AGAP1: variants seen among roughly 807,000 people sequenced by gnomAD.
AGAP1 encodes the protein arf-GAP with GTPase, ANK repeat and PH domain-containing protein 1.
In AGAP1, 29 loss-of-function variants were observed where a neutral mutation model predicts 105.3. That is an observed-to-expected ratio of 0.28 (90% CI 0.21 to 0.38). The LOEUF (loss-of-function observed/expected upper bound fraction) is 0.38. Ranked by LOEUF, AGAP1 falls within the 10% of genes least tolerant of loss-of-function variation. AGAP1 has a pLI of 1.00. For synonymous variants in AGAP1, 509 were observed against 485.9 expected (o/e 1.05, Z -0.63); for missense variants, 998 against 1,165.1 (o/e 0.86, Z 2.09).
At position 235,908,138 on chromosome 2, in the gene AGAP1, G is replaced by A. The variant is rs889426403; in HGVS notation, c.1156-600G>A. 1.3e-5 allele frequency among the ~76,000 whole-genome samples: 2 copies of A among 152,110 alleles called. No homozygotes were observed. The highest frequency in any genetic ancestry group is 1.9e-4 in the East Asian group (1 of 5,184). ...AGTGAGTTAAGTGAGCTGCCAGAGAGCAGTCACTGTCCACCGAGGCTTCCC... is the reference window on the plus strand; with the variant it reads ...AGTGAGTTAAGTGAGCTGCCAGAGAACAGTCACTGTCCACCGAGGCTTCCC... On this transcript the variant is annotated intron_variant, in intron 10 of 17. Coordinates refer to ENST00000304032, the MANE Select transcript of AGAP1 (RefSeq NM_001037131.3). The surrounding 1 kb of genome is among the most constrained non-coding windows in gnomAD (Gnocchi z 4.4).
intron 9 of AGAP1, among the ~76,000 whole-genome samples, chr2:235,868,309 C>A (rs2049278333): frequency 6.6e-6 from 1 of 152,070 alleles, no homozygotes; most frequent in Non-Finnish European, 1.5e-5. Flanking sequence ...CCTGCAGCAG[C>A]AAGAGGATTC....
rs201478471 is a variant in AGAP1 at position 235,512,008 on chromosome 2, CTGTG to C, written c.163+17162_163+17165del. 7.4e-4 allele frequency among the ~76,000 whole-genome samples: 27 copies of C among 36,406 alleles called. No homozygotes were observed. The South Asian group carries it at 0.014, about 19-fold the overall frequency. 23.9% of individuals were successfully genotyped at this position (36,406 alleles called of 152,430 possible). Reference sequence around the variant, plus strand: ...AATGCGTGTGTGAATGCGTGTGTGACTGTGTGAATGTGTGAGGTGTGAATGTGTG... The same window carrying C: ...AATGCGTGTGTGAATGCGTGTGTGACTGAATGTGTGAGGTGTGAATGTGTG... On this transcript the variant is annotated intron_variant, in intron 1 of 17. Transcript: ENST00000304032.
intron 1 of AGAP1, among the ~76,000 whole-genome samples, chr2:235,704,929 C>T (rs112557123): frequency 0.032 from 4,560 of 143,216 alleles, 199 homozygotes; most frequent in South Asian, 0.093. Flanking sequence ...AGGATCATTA[C>T]TATCACCAAC....
intron 6 of AGAP1, among the ~76,000 whole-genome samples, chr2:235,781,400 A>G (rs572256044): frequency 6.6e-6 from 1 of 152,326 alleles, no homozygotes; most frequent in South Asian, 2.1e-4. Flanking sequence ...TTTTAATACA[A>G]TCTTATTGTA....
At chr2:235,803,899 C>T (rs1455549510) in intron 8 of AGAP1, among the ~76,000 whole-genome samples, 2 of 152,204 alleles carry the variant, frequency 1.3e-5, no homozygotes, top group East Asian at 1.9e-4. Flanking sequence ...AGACTGTATC[C>T]ATTTAATCCC....
At chr2:235,742,045 G>T (rs1346032520) in intron 4 of AGAP1, among the ~76,000 whole-genome samples, 5 of 152,078 alleles carry the variant, frequency 3.3e-5, no homozygotes, top group African/African-American at 1.2e-4. Flanking sequence ...GAGCCACCGC[G>T]CCCGACCCAT....
chr2:235,828,327 G>A (rs189461972), intron 9 of AGAP1, among the ~76,000 whole-genome samples: 24 of 152,204 alleles, frequency 1.6e-4, no homozygotes, highest in African/African-American at 5.5e-4. Context: ...GACCCCTAGA[G>A]TAGCTCTCAG....
In AGAP1 at chr2:235,577,245, T is replaced by A. The variant is rs1944763654; in HGVS notation, c.163+82396T>A. Among the ~76,000 whole-genome samples the A allele has an allele frequency of 6.6e-6, 1 of 152,238 alleles. No homozygotes were observed. The highest frequency in any genetic ancestry group is 6.5e-5 in the Admixed American group (1 of 15,290). On this transcript the variant is annotated intron_variant, in intron 1 of 17. Coordinates refer to ENST00000304032, the MANE Select transcript of AGAP1 (RefSeq NM_001037131.3). The surrounding 1 kb of genome is among the most constrained non-coding windows in gnomAD (Gnocchi z 4.5). The stretch of plus-strand genomic sequence containing the variant: ...AAATATTATCCTTTCATTGCAATTA[T>A]CTGGAATTTGTGGACGAGGTTTGCT...
chr2:236,030,607 T>C (rs1290373878), intron 13 of AGAP1, among the ~76,000 whole-genome samples: 7 of 152,242 alleles, frequency 4.6e-5, no homozygotes, highest in South Asian at 2.1e-4. Flanking sequence ...TTTAGCACTT[T>C]AGGCTCACAA....
At chr2:235,506,161 C>T (rs932179625) in intron 1 of AGAP1, among the ~76,000 whole-genome samples, 2 of 152,034 alleles carry the variant, frequency 1.3e-5, no homozygotes, top group Non-Finnish European at 2.9e-5. Context: ...AAACTCCTGA[C>T]CTCAGGTGAT....
intron 8 of AGAP1, among the ~76,000 whole-genome samples, chr2:235,804,620 G>T (rs1410324723): frequency 2.0e-5 from 3 of 152,262 alleles, no homozygotes; most frequent in Non-Finnish European, 4.4e-5. Flanking sequence ...GTTGATGGGA[G>T]TGTCCTCCAT....
chr2:236,093,591 A>T (rs966511980), intron 16 of AGAP1, among the ~76,000 whole-genome samples: 3 of 152,262 alleles, frequency 2.0e-5, no homozygotes, highest in African/African-American at 7.2e-5. Context: ...GGACTCTCAC[A>T]TGGGAGGAGG....
Position 235,968,509 on chromosome 2 carries a change from A to G in AGAP1, c.1531A>G (p.Thr511Ala), listed in dbSNP as rs1406480211. 6.3e-7 allele frequency: 1 copy of G among 1,596,766 alleles called. No individual in the cohort carries two copies. Residue 511 changes from threonine to alanine, a missense_variant, in exon 13 of 18, where the codon ACC becomes GCC. This residue lies in a region of AGAP1 where 735 missense variants were observed against 833.4 expected (regional missense o/e 0.88). Coordinates refer to ENST00000304032, the MANE Select transcript of AGAP1 (RefSeq NM_001037131.3). ...ATGCTCCAGCCCCAGTATCTCCAGCACCACCAGCCCCAAGCTCGACCCGCC... is the reference window on the plus strand; with the variant it reads ...ATGCTCCAGCCCCAGTATCTCCAGCGCCACCAGCCCCAAGCTCGACCCGCC... Reference protein sequence around the residue: ...SVCSSPSISSTTSPKLDPPPS... With the variant: ...SVCSSPSISSATSPKLDPPPS...
Position 235,716,688 on chromosome 2 carries a change from C to T in AGAP1, c.223-869C>T, listed in dbSNP as rs1435014382. ...AGGAGATTTTTGATGAGCAGCTTCCCAGAGAAGGCGGCATGGGGGGTATCC... is the reference window on the plus strand; with the variant it reads ...AGGAGATTTTTGATGAGCAGCTTCCTAGAGAAGGCGGCATGGGGGGTATCC... On this transcript the variant is annotated intron_variant, in intron 2 of 17. Transcript: ENST00000304032. This position sits in a 1 kb window ranked among gnomAD's most constrained non-coding sequence, Gnocchi z 4.0. Among the ~76,000 whole-genome samples the T allele has an allele frequency of 6.6e-6, 1 of 152,064 alleles. No homozygotes were observed. The highest frequency in any genetic ancestry group is 1.5e-5 in the Non-Finnish European group (1 of 68,008).
At position 235,830,311 on chromosome 2, in the gene AGAP1, G is replaced by A. The variant is rs1256717166; in HGVS notation, c.1050+22980G>A. Among the ~76,000 whole-genome samples, 3 of 152,146 alleles carry A rather than the reference G, an allele frequency of 2.0e-5. No homozygotes were observed. Among genetic ancestry groups the A allele is most frequent in the Non-Finnish European group, 4.4e-5 (3 of 68,032 alleles). ...ATTCGTTGTATTTTAAAAGTCAGAT[G>A]GAATTTGTCTTCATATTTTGCTCAT... On this transcript the variant is annotated intron_variant, in intron 9 of 17. Coordinates refer to ENST00000304032, the MANE Select transcript of AGAP1 (RefSeq NM_001037131.3). The surrounding 1 kb of genome is among the most constrained non-coding windows in gnomAD (Gnocchi z 5.5).
chr2:235,809,880 A>G (rs1470706931), intron 9 of AGAP1, among the ~76,000 whole-genome samples: 1 of 152,206 alleles, frequency 6.6e-6, no homozygotes, highest in East Asian at 1.9e-4. Flanking sequence ...ATGAGTGCTT[A>G]TTATGTAAGT....
At chr2:235,920,022 G>A (rs1238177771) in intron 11 of AGAP1, among the ~76,000 whole-genome samples, 2 of 152,174 alleles carry the variant, frequency 1.3e-5, no homozygotes, top group Non-Finnish European at 2.9e-5. Context: ...GTTTTGCAAA[G>A]GTCGGAATAA....
At chr2:235,797,300 A>G (rs1360485757) in intron 6 of AGAP1, among the ~76,000 whole-genome samples, 1 of 152,126 alleles carries the variant, frequency 6.6e-6, no homozygotes, top group Non-Finnish European at 1.5e-5. Context: ...TGGTCTGTGC[A>G]GGGCTGCTGA....
chr2:235,807,480 TC>T lies in AGAP1; in HGVS notation c.1050+151del, dbSNP rs1289847820. On this transcript the variant is annotated intron_variant, in intron 9 of 17. Transcript: ENST00000304032. Reference sequence around the variant, plus strand: ...CTCACTTGACATCAATTAGCAGAGTTCCTGTGTGTATTCAAATGGGATCATT... The same window carrying T: ...CTCACTTGACATCAATTAGCAGAGTTCTGTGTGTATTCAAATGGGATCATT... The T allele has an allele frequency of 3.1e-6, 2 of 634,964 alleles. 1 individual carries two copies. Among genetic ancestry groups the T allele is most frequent in the South Asian group, 4.8e-5 (2 of 41,244 alleles). 39.3% of individuals were successfully genotyped at this position (634,964 alleles called of 1,614,324 possible).
Sources: gnomAD v4.1 joint callset for allele counts (sites outside exome capture counted in the v4.1 genomes callset) on GRCh38, gnomAD v4.1.1 for gene constraint, gnomAD v4.1.1 regional missense constraint, Gnocchi (gnomAD v3.1) non-coding constraint, MANE v1.5 for transcripts, NCBI Gene and HGNC (gene_info 2026-07-23, HGNC 2026-07-21) for gene names.